The following CSMD1 variants were observed in gnomAD, a reference collection of about 807,000 sequenced individuals.
CSMD1 encodes CUB and sushi domain-containing protein 1.
Under a neutral mutation model 417.5 loss-of-function variants are expected in CSMD1, and 213 were observed. That is an observed-to-expected ratio of 0.51 (90% CI 0.46 to 0.57). The LOEUF is 0.57. Ranked by LOEUF, CSMD1 falls within the 20% of genes least tolerant of loss-of-function variation. The pLI is 0.00. For synonymous variants in CSMD1, 2,862 were observed against 1,736.8 expected, an observed-to-expected ratio of 1.65 and a Z score of -16.11; for missense variants, 6,923 against 4,529.7, an observed-to-expected ratio of 1.53 and a Z score of -15.17.
intron 68 of CSMD1, among the ~76,000 whole-genome samples, chr8:2,946,953 A>G (rs74695475): frequency 6.6e-6 from 1 of 152,064 alleles, no homozygotes; most frequent in Non-Finnish European, 1.5e-5. Flanking sequence ...TGTGGTTTTG[A>G]TTTGCATTTC....
intron 26 of CSMD1, among the ~76,000 whole-genome samples, chr8:3,250,980 T>G (rs1408485293): frequency 6.6e-6 from 1 of 152,184 alleles, no homozygotes; most frequent in Non-Finnish European, 1.5e-5. Context: ...GTCAGATGAG[T>G]AGATTGTGAA....
chr8:4,429,832 G>A (rs113997703), intron 2 of CSMD1, among the ~76,000 whole-genome samples: 8 of 152,002 alleles, frequency 5.3e-5, no homozygotes, highest in Non-Finnish European at 7.4e-5. Context: ...TCATTGGCTC[G>A]GGAAGAAATC....
chr8:4,172,155 C>T (rs75911148), intron 3 of CSMD1, among the ~76,000 whole-genome samples: 5,117 of 152,096 alleles, frequency 0.034, 125 homozygotes, highest in South Asian at 0.082. Context: ...AAAGATGGAC[C>T]TAAGAGAAGT....
chr8:4,632,282 G>A (rs1802565552), intron 2 of CSMD1, among the ~76,000 whole-genome samples: 1 of 152,138 alleles, frequency 6.6e-6, no homozygotes, highest in Non-Finnish European at 1.5e-5. Context: ...GGAGGCCGAG[G>A]TGGGCAGATC....
chr8:4,815,189 G>A (rs967417293), intron 1 of CSMD1, among the ~76,000 whole-genome samples: 1 of 152,040 alleles, frequency 6.6e-6, no homozygotes, highest in Non-Finnish European at 1.5e-5. Flanking sequence ...CAATAGATTT[G>A]AACATGTTAG....
intron 5 of CSMD1, among the ~76,000 whole-genome samples, chr8:3,755,130 T>A (rs1797583875): frequency 6.6e-6 from 1 of 152,234 alleles, no homozygotes; most frequent in Non-Finnish European, 1.5e-5. Flanking sequence ...TTCCAAGATA[T>A]TAAAGCTCCT....
At chr8:3,172,346 T>A (rs1266572549) in intron 37 of CSMD1, among the ~76,000 whole-genome samples, 2 of 152,164 alleles carry the variant, frequency 1.3e-5, no homozygotes, top group African/African-American at 4.8e-5. Context: ...TTCCTAAGTG[T>A]TTTTATGGCT....
rs775459341 is a variant in CSMD1, at chr8:3,997,856, G to A, written c.818+47C>T. On this transcript the variant is annotated intron_variant, in intron 5 of 69. Transcript: ENST00000635120. Reference sequence around the variant, plus strand: ...TTGAAGCTCGTTGGGGGAAAAAACGGGGAAAACACACCTGTATCCTTTGTG... The same window carrying A: ...TTGAAGCTCGTTGGGGGAAAAAACGAGGAAAACACACCTGTATCCTTTGTG... 54 of 1,529,436 alleles carry A rather than the reference G, an allele frequency of 3.5e-5. No individual in the cohort carries two copies. The East Asian group carries it at 1.2e-3, about 34-fold the overall frequency. 94.7% of individuals were successfully genotyped at this position (1,529,436 alleles called of 1,614,324 possible).
intron 4 of CSMD1, among the ~76,000 whole-genome samples, chr8:4,018,448 C>T (rs946120900): frequency 3.3e-5 from 5 of 152,152 alleles, no homozygotes; most frequent in African/African-American, 1.2e-4. Context: ...AGCTGCAGGT[C>T]TGTCAACACA....
At chr8:3,303,267 A>G (rs939335162) in intron 25 of CSMD1, among the ~76,000 whole-genome samples, 10 of 152,134 alleles carry the variant, frequency 6.6e-5, no homozygotes, top group Non-Finnish European at 1.5e-4. Context: ...TTTTCTCTTA[A>G]GTGTATTTCC....
chr8:4,475,748 G>C (rs1470979290), intron 2 of CSMD1, among the ~76,000 whole-genome samples: 1 of 152,016 alleles, frequency 6.6e-6, no homozygotes, highest in African/African-American at 2.4e-5. Context: ...GAGTAGCTGG[G>C]ATTACAGGCG....
intron 49 of CSMD1, among the ~76,000 whole-genome samples, chr8:3,062,179 C>G (rs896949910): frequency 6.6e-6 from 1 of 152,026 alleles, no homozygotes; most frequent in Non-Finnish European, 1.5e-5. Context: ...CCTCCCTTAT[C>G]TTTGATTTCC....
intron 23 of CSMD1, among the ~76,000 whole-genome samples, chr8:3,331,403 A>G (rs1585011137): frequency 6.6e-6 from 1 of 152,294 alleles, no homozygotes; most frequent in Non-Finnish European, 1.5e-5. Context: ...GTTGGTGGCC[A>G]TTTTTATCTG....
At chr8:4,857,849 G>T (rs1024500021) in intron 1 of CSMD1, among the ~76,000 whole-genome samples, 7 of 151,852 alleles carry the variant, frequency 4.6e-5, no homozygotes, top group African/African-American at 1.7e-4. Flanking sequence ...GGAGGAACTG[G>T]TACCATTCCT....
At chr8:4,297,973 T>A (rs1432395579) in intron 3 of CSMD1, among the ~76,000 whole-genome samples, 1 of 152,100 alleles carries the variant, frequency 6.6e-6, no homozygotes, top group Non-Finnish European at 1.5e-5. Context: ...GAAGAGTGAA[T>A]ATGGTGAAGA....
At chr8:4,467,902 G>C (rs1800280207) in intron 2 of CSMD1, among the ~76,000 whole-genome samples, 1 of 152,162 alleles carries the variant, frequency 6.6e-6, no homozygotes, top group Non-Finnish European at 1.5e-5. Context: ...TTGAACACTG[G>C]TTTTTGGGAT....
intron 2 of CSMD1, among the ~76,000 whole-genome samples, chr8:4,618,838 T>C (rs956864892): frequency 4.6e-5 from 7 of 152,176 alleles, no homozygotes; most frequent in Admixed American, 4.6e-4. Flanking sequence ...CCATCTTACC[T>C]TACTTTTAAT....
chr8:2,998,620 T>C lies in CSMD1; in HGVS notation c.8204-436A>G, dbSNP rs115484649. ...AGTATGGGATTTGTCTGATACTTTT[T>C]AATGTCCATGTATAAATTATTGCAA... On this transcript the variant is annotated intron_variant, in intron 53 of 69. Transcript: ENST00000635120. Among the ~76,000 whole-genome samples, 446 of 152,348 alleles carry C rather than the reference T, an allele frequency of 2.9e-3. 2 individuals carry two copies. Among genetic ancestry groups the C allele is most frequent in the African/African-American group, 0.01 (421 of 41,584 alleles).
chr8:2,982,722 G>T (rs1203043131), intron 54 of CSMD1, among the ~76,000 whole-genome samples: 1 of 152,188 alleles, frequency 6.6e-6, no homozygotes, highest in Non-Finnish European at 1.5e-5. Context: ...CCTTCTTGGG[G>T]ACAGGAAGCA....
Sources: allele counts gnomAD v4.1 joint callset (sites outside exome capture counted in the v4.1 genomes callset), GRCh38; gene constraint gnomAD v4.1.1; transcripts MANE v1.5; gene names NCBI Gene and HGNC (gene_info 2026-07-23, HGNC 2026-07-21).